Variants in SRPK1 observed in about 807,000 individuals in gnomAD.
The protein encoded by SRPK1 is SRSF protein kinase 1.
A neutral mutation model predicts 89.5 loss-of-function variants in SRPK1; 52 were observed. The observed-to-expected ratio is 0.58, with a 90% CI of 0.46 to 0.73. The LOEUF (loss-of-function observed/expected upper bound fraction) is 0.73, where lower values mean the gene tolerates loss of function less well. Ranked by LOEUF, SRPK1 falls within the 30% of genes least tolerant of loss-of-function variation. The probability of loss-of-function intolerance (pLI) is 0.00; values close to 1 mark genes in which losing one functional copy is unlikely to be tolerated. For missense variants in SRPK1, 603 were observed against 780.6 expected (o/e 0.77, Z 2.71); for synonymous variants, 255 against 270.2 (o/e 0.94, Z 0.55).
chr6:35,870,913 A>G, intron 9 of SRPK1, 21 bp downstream of exon 9: 1 of 1,586,378 alleles, frequency 6.3e-7, no homozygotes, highest in Non-Finnish European at 8.6e-7. Context: ...AAAATTAAAT[A>G]TAAAAACACC....
chr6:35,868,122 G>GC (rs1018425051), intron 12 of SRPK1, among the ~76,000 whole-genome samples: 4 of 151,892 alleles, frequency 2.6e-5, no homozygotes, highest in Non-Finnish European at 4.4e-5. Context: ...ACAGGCATGC[G>GC]CCAACACGCC....
At chr6:35,911,718 A>C (rs1770964780) in intron 2 of SRPK1, among the ~76,000 whole-genome samples, 1 of 151,896 alleles carries the variant, frequency 6.6e-6, no homozygotes, top group Non-Finnish European at 1.5e-5. Flanking sequence ...GGTGCATGCC[A>C]CCACACCCAG....
In SRPK1 at chr6:35,906,294, G is replaced by A. The variant is rs186615299; in HGVS notation, c.74+14174C>T. The stretch of plus-strand genomic sequence containing the variant: ...GTCTGGAGTTCAGTGGCATGATCTC[G>A]GCTTACTGCAACCTCCACCTCCCAG... On this transcript the variant is annotated intron_variant, in intron 2 of 15. Transcript: ENST00000373825. Among the ~76,000 whole-genome samples, 108 of 152,002 alleles carry A rather than the reference G, an allele frequency of 7.1e-4. 1 individual carries two copies. The highest frequency in any genetic ancestry group is 2.1e-3 in the East Asian group (11 of 5,166).
chr6:35,913,771 C>A (rs1370835723), intron 2 of SRPK1, among the ~76,000 whole-genome samples: 1 of 147,716 alleles, frequency 6.8e-6, no homozygotes, highest in Admixed American at 6.9e-5. Flanking sequence ...GTACTCCAGT[C>A]TGGGTGACAG....
chr6:35,857,604 G>C (rs1769691604), intron 12 of SRPK1, among the ~76,000 whole-genome samples: 2 of 152,064 alleles, frequency 1.3e-5, no homozygotes, highest in Admixed American at 6.6e-5. Context: ...ATATACACAG[G>C]TCTAGGAAAC....
At chr6:35,920,323 G>A (rs765085426) in intron 2 of SRPK1, 145 bp downstream of exon 2, 2 of 833,332 alleles carry the variant, frequency 2.4e-6, no homozygotes, top group Non-Finnish European at 4.1e-6. Context: ...ATGGTTGCTG[G>A]AGAGCGACCC....
At chr6:35,871,162 TA>T (rs72430483) in intron 8 of SRPK1, among the ~76,000 whole-genome samples, 3,466 of 151,896 alleles carry the variant, frequency 0.023, 145 homozygotes, top group African/African-American at 0.079. Context: ...TTGCCAAACT[TA>T]AAAAAAAGGG....
chr6:35,856,463 G>A (rs181198085), intron 13 of SRPK1, among the ~76,000 whole-genome samples: 17 of 152,260 alleles, frequency 1.1e-4, no homozygotes, highest in Admixed American at 9.8e-4. Flanking sequence ...GTTAGTGTCT[G>A]AAGTGAGGGC....
intron 12 of SRPK1, among the ~76,000 whole-genome samples, chr6:35,862,413 T>C (rs1465843137): frequency 6.6e-6 from 1 of 152,108 alleles, no homozygotes; most frequent in Non-Finnish European, 1.5e-5. Flanking sequence ...TGACCCTGTG[T>C]ACTGCCAAAA....
At chr6:35,847,467 C>T (rs1029766600) in intron 13 of SRPK1, among the ~76,000 whole-genome samples, 1 of 152,160 alleles carries the variant, frequency 6.6e-6, no homozygotes, top group Non-Finnish European at 1.5e-5. Flanking sequence ...CTCAGCTTTC[C>T]AAAGTGCTGG....
chr6:35,868,566 G>T (rs546202316), intron 12 of SRPK1, among the ~76,000 whole-genome samples: 2 of 152,154 alleles, frequency 1.3e-5, no homozygotes, highest in Non-Finnish European at 1.5e-5. Context: ...GAACTGAATT[G>T]TATTTAAATT....
At chr6:35,901,850 C>T (rs1050177319) in intron 2 of SRPK1, among the ~76,000 whole-genome samples, 6 of 152,116 alleles carry the variant, frequency 3.9e-5, no homozygotes, top group African/African-American at 1.4e-4. Flanking sequence ...CCAAACTTAA[C>T]TTCTGAGACA....
chr6:35,869,270 A>C lies in SRPK1; in HGVS notation c.1412-160T>G. ...GAGCACAGCAACGCCTTGAGTTTCC[A>C]GAATTAAAAACCTCTGCCCTCACAG... On this transcript the variant is annotated intron_variant, in intron 11 of 15. Transcript: ENST00000373825. 3.4e-6 allele frequency: 3 copies of C among 874,918 alleles called. No individual in the cohort carries two copies. The South Asian group carries it at 5.4e-5, about 16-fold the overall frequency. The allele number at this position is 874,918 out of a possible 1,614,324, so 54.2% of individuals were successfully genotyped here.
At chr6:35,905,202 A>G (rs1450037359) in intron 2 of SRPK1, among the ~76,000 whole-genome samples, 1 of 152,144 alleles carries the variant, frequency 6.6e-6, no homozygotes, top group Non-Finnish European at 1.5e-5. Flanking sequence ...CTGGAGAATC[A>G]CATAAAAACA....
chr6:35,836,453 G>A (rs1769181888), intron 15 of SRPK1, among the ~76,000 whole-genome samples: 1 of 152,090 alleles, frequency 6.6e-6, no homozygotes, highest in African/African-American at 2.4e-5. Flanking sequence ...GGCAAATGCT[G>A]CTTTAAAATT....
At chr6:35,853,953 T>C (rs947196815) in intron 13 of SRPK1, among the ~76,000 whole-genome samples, 18 of 151,144 alleles carry the variant, frequency 1.2e-4, no homozygotes, top group African/African-American at 3.4e-4. Flanking sequence ...CCTTTCCCCC[T>C]TTTTTTTGTT....
At position 35,869,599 on chromosome 6, in the gene SRPK1, T is replaced by G; in HGVS notation, c.1294A>C (p.Thr432Pro). 6.2e-7 allele frequency: 1 copy of G among 1,613,998 alleles called. No homozygotes were observed. The highest frequency in any genetic ancestry group is 8.5e-7 in the Non-Finnish European group (1 of 1,179,878). Residue 432 changes from threonine (T) to proline (P), a missense_variant, in exon 11 of 16, where the codon ACT (threonine) becomes CCT (proline). Thr to Pro is a conservative substitution (Grantham distance 38). Coordinates refer to ENST00000373825, the MANE Select transcript of SRPK1 (RefSeq NM_003137.5). ...SDTMVCQSSS[T>P]VGQSFSEQHI... ...TGTTCACTGAATGACTGACCTACAG[T>G]TGAGGAAGACTGGCACACCATGGTG...
chr6:35,916,951 T>C (rs994370877), intron 2 of SRPK1, among the ~76,000 whole-genome samples: 2 of 152,074 alleles, frequency 1.3e-5, no homozygotes, highest in Non-Finnish European at 2.9e-5. Flanking sequence ...TCTCAGCTAC[T>C]TGGGAGGCTG....
chr6:35,893,971 A>G (rs1033498846), intron 2 of SRPK1, among the ~76,000 whole-genome samples: 1 of 152,062 alleles, frequency 6.6e-6, no homozygotes, highest in Non-Finnish European at 1.5e-5. Flanking sequence ...AGATCATGCC[A>G]CTGTGCTCCA....
Sources: gnomAD v4.1 joint callset for allele counts (sites outside exome capture counted in the v4.1 genomes callset) on GRCh38, gnomAD v4.1.1 for gene constraint, MANE v1.5 for transcripts, NCBI Gene and HGNC (gene_info 2026-07-23, HGNC 2026-07-21) for gene names.